Variants in PYCR3 observed in about 807,000 individuals in gnomAD.
PYCR3 encodes P5C reductase 3.
PYCR3 carries 26 observed loss-of-function variants against 23.4 expected under a neutral mutation model. The ratio of observed to expected loss-of-function variants is 1.11; its 90% CI spans 0.81 to 1.54. The LOEUF (loss-of-function observed/expected upper bound fraction) is 1.54. Among genes scored for constraint, PYCR3 ranks in the 40% most tolerant of loss-of-function variants. PYCR3 has a pLI of 0.00. For missense variants in PYCR3, 360 were observed against 376.3 expected, an observed-to-expected ratio of 0.96 and a Z score of 0.36; for synonymous variants, 194 against 162.6, an observed-to-expected ratio of 1.19 and a Z score of -1.47.
chr8:143,605,667 C>G lies in PYCR3; in HGVS notation c.*33G>C. On this transcript the variant is annotated 3_prime_UTR_variant, in exon 6 of 6. Coordinates refer to ENST00000495276, the MANE Select transcript of PYCR3 (RefSeq NM_023078.6). The stretch of plus-strand genomic sequence containing the variant: ...GAAGGGACACAGGGAGAGGCAGGGG[C>G]ACAGAGGCAGGAAAGGATGGCCAGA... 1 of 1,564,906 alleles carries G rather than the reference C, an allele frequency of 6.4e-7. No homozygotes were observed.
Position 143,606,515 on chromosome 8 carries a change from T to C in PYCR3, c.501A>G (p.Glu167=). The C allele has an allele frequency of 6.2e-7, 1 of 1,612,780 alleles. No individual in the cohort carries two copies. The highest frequency in any genetic ancestry group is 8.5e-7 in the Non-Finnish European group (1 of 1,179,938). Residue 167 remains glutamate (E), a synonymous_variant, in exon 4 of 6, where the codon GAA becomes GAG. Coordinates refer to ENST00000495276, the MANE Select transcript of PYCR3 (RefSeq NM_023078.6). ...EACGRCEEVP[E]AYVDIHTGLS... Reference sequence around the variant, plus strand: ...GGCCAGTGTGGATGTCGACGTAGGCTTCAGGCACCTCCTCACACCGCCCAC... The same window carrying C: ...GGCCAGTGTGGATGTCGACGTAGGCCTCAGGCACCTCCTCACACCGCCCAC...
chr8:143,606,364 C>G lies in PYCR3; in HGVS notation c.549+103G>C. On this transcript the variant is annotated intron_variant, in intron 4 of 5. Coordinates refer to ENST00000495276, the MANE Select transcript of PYCR3 (RefSeq NM_023078.6). ...CCAGTGGGCCTGGGGAGCAACCACG[C>G]AGGCCTCAAGGTTGGACTCTGAGGG... 4 of 1,323,676 alleles carry G rather than the reference C, an allele frequency of 3.0e-6. No individual in the cohort carries two copies. In the South Asian group the frequency reaches 5.0e-5, roughly 17 times the overall value. The allele number at this position is 1,323,676 out of a possible 1,614,324, so 82.0% of individuals were successfully genotyped here.
In PYCR3 at chr8:143,604,747, C is replaced by G. The variant is rs745695644; in HGVS notation, c.*953G>C. On this transcript the variant is annotated 3_prime_UTR_variant, in exon 6 of 6. Transcript: ENST00000495276. ...CTTCAATCCTGGGGGTTTGCTTCTC[C>G]CCTGAGTCCTGGCTTTCCTGACCTG... 23 of 395,134 alleles carry G rather than the reference C, an allele frequency of 5.8e-5. No homozygotes were observed. Among genetic ancestry groups the G allele is most frequent in the South Asian group, 2.7e-4 (15 of 56,048 alleles). The allele number at this position is 395,134 out of a possible 1,614,324, so 24.5% of individuals were successfully genotyped here.
At position 143,609,569 on chromosome 8, in the gene PYCR3, T is replaced by C. The variant is rs4559251; in HGVS notation, c.-21A>G. ...GCCATCTTGTTGCCTCGGACGCCGCTGCGCTCACCGCCCATCCACAGGCCG... is the reference window on the plus strand; with the variant it reads ...GCCATCTTGTTGCCTCGGACGCCGCCGCGCTCACCGCCCATCCACAGGCCG... On this transcript the variant is annotated 5_prime_UTR_variant, in exon 1 of 6. Transcript: ENST00000495276. 2 of 1,483,114 alleles carry C rather than the reference T, an allele frequency of 1.3e-6. No individual in the cohort carries two copies. Among genetic ancestry groups the C allele is most frequent in the Admixed American group, 4.6e-5 (2 of 43,820 alleles). The allele number at this position is 1,483,114 out of a possible 1,614,324, so 91.9% of individuals were successfully genotyped here. A position where few individuals can be genotyped will look rare whatever the true frequency, so the allele number is the denominator to read the frequency against.
rs1463829692 is a variant in PYCR3, at chr8:143,607,020, G to C, written c.269C>G (p.Pro90Arg). 1 of 1,613,348 alleles carries C rather than the reference G, an allele frequency of 6.2e-7. No homozygotes were observed. The highest frequency in any genetic ancestry group is 1.7e-5 in the Admixed American group (1 of 60,004). The change falls in exon 3 of 6, where the codon CCT (proline) becomes CGT (arginine). Residue 90 changes from proline to arginine, a missense_variant. Transcript: ENST00000495276. Reference protein sequence around the residue: ...VLPAVLAEVAPVVTTEHILVS... With the variant: ...VLPAVLAEVARVVTTEHILVS... ...CAAGATGTGTTCAGTGGTGACCACA[G>C]GAGCCACCTCTGCCAGGACAGCTGG...
In PYCR3 at chr8:143,609,513, G is replaced by T; in HGVS notation, c.36C>A (p.Gly12=). The T allele has an allele frequency of 6.6e-7, 1 of 1,516,868 alleles. No individual in the cohort carries two copies. The highest frequency in any genetic ancestry group is 2.7e-5 in the East Asian group (1 of 37,602). The allele number at this position is 1,516,868 out of a possible 1,614,324, so 94.0% of individuals were successfully genotyped here. ...AAAEPSPRRV[G]FVGAGRMAGA... ...CCGCCATGCGGCCCGCGCCCACGAA[G>T]CCCACGCGCCGCGGAGACGGCTCCG... The change falls in exon 1 of 6, where the codon GGC becomes GGA. Residue 12 remains glycine (G), a synonymous_variant. Coordinates refer to ENST00000495276, the MANE Select transcript of PYCR3 (RefSeq NM_023078.6).
At chr8:143,609,403 C>T in intron 1 of PYCR3, 55 bp downstream of exon 1, 2 of 1,424,870 alleles carry the variant, frequency 1.4e-6, no homozygotes, top group Non-Finnish European at 1.8e-6. Context: ...GGCAGGACAC[C>T]TCCCACGGGG....
Position 143,603,715 on chromosome 8 carries a change from C to A in PYCR3, c.*1985G>T, listed in dbSNP as rs1268497029. 6.6e-6 allele frequency among the ~76,000 whole-genome samples: 1 copy of A among 152,174 alleles called. No homozygotes were observed. The highest frequency in any genetic ancestry group is 1.5e-5 in the Non-Finnish European group (1 of 68,020). On this transcript the variant is annotated 3_prime_UTR_variant, in exon 6 of 6. Coordinates refer to ENST00000495276, the MANE Select transcript of PYCR3 (RefSeq NM_023078.6). Reference sequence around the variant, plus strand: ...GCCTGCCCAGGCTTGGCATACAGTCCCCTGGGGTGACAGCGTGCAGGGGAA... The same window carrying A: ...GCCTGCCCAGGCTTGGCATACAGTCACCTGGGGTGACAGCGTGCAGGGGAA...
intron 5 of PYCR3, 84 bp from the exon 6 acceptor site, chr8:143,605,966 T>G (rs1465129527): frequency 4.5e-6 from 7 of 1,563,338 alleles, no homozygotes; most frequent in Non-Finnish European, 6.1e-6. Flanking sequence ...TCCCCCAACC[T>G]TGGCCCCAGC....
Position 143,605,586 on chromosome 8 carries a change from GAGA to G in PYCR3, c.*111_*113del. On this transcript the variant is annotated 3_prime_UTR_variant, in exon 6 of 6. Transcript: ENST00000495276. ...CCCCCTGCATTTCCCTGTGCAAGGG[GAGA>G]AGGAGCAGTAGGAGACCCTCATGCA... 1.0e-6 allele frequency: 1 copy of G among 992,870 alleles called. No homozygotes were observed. The highest frequency in any genetic ancestry group is 1.5e-6 in the Non-Finnish European group (1 of 686,776). 61.5% of individuals were successfully genotyped at this position (992,870 alleles called of 1,614,324 possible). A position where few individuals can be genotyped will look rare whatever the true frequency, so the allele number is the denominator to read the frequency against.
chr8:143,607,030 C>G lies in PYCR3; in HGVS notation c.259G>C (p.Glu87Gln). ...TCAGTGGTGACCACAGGAGCCACCT[C>G]TGCCAGGACAGCTGGCAGCACATGA... ...KPHVLPAVLA[E>Q]VAPVVTTEHI... Residue 87 changes from glutamate (E) to glutamine (Q), a missense_variant, in exon 3 of 6, where the codon GAG becomes CAG. Coordinates refer to ENST00000495276, the MANE Select transcript of PYCR3 (RefSeq NM_023078.6). 2.5e-6 allele frequency: 4 copies of G among 1,613,368 alleles called. No individual in the cohort carries two copies. The highest frequency in any genetic ancestry group is 3.4e-6 in the Non-Finnish European group (4 of 1,179,896).
At chr8:143,607,942 T>G (rs948877682) in intron 2 of PYCR3, 120 bp downstream of exon 2, 6 of 746,972 alleles carry the variant, frequency 8.0e-6, no homozygotes, top group Admixed American at 2.5e-5. Flanking sequence ...GACCAGCCAG[T>G]CTGCAAACTT....
rs2131400091 is a variant in PYCR3, at chr8:143,607,110, T to C, written c.179A>G (p.His60Arg). 1 of 1,595,942 alleles carries C rather than the reference T, an allele frequency of 6.3e-7. No individual in the cohort carries two copies. The highest frequency in any genetic ancestry group is 1.1e-5 in the South Asian group (1 of 89,270). Reference protein sequence around the residue: ...HFQALGCRTTHSNQEVLQSCL... With the variant: ...HFQALGCRTTRSNQEVLQSCL... ...GCTCTGCAGCACCTCCTGGTTGGAG[T>C]GCGTGGTCCGGCAACCCAGAGCCTG... The change falls in exon 3 of 6, where the codon CAC (histidine) becomes CGC (arginine). Residue 60 changes from histidine to arginine, a missense_variant. By Grantham distance (29) the His-to-Arg change is conservative (BLOSUM62 0). Coordinates refer to ENST00000495276, the MANE Select transcript of PYCR3 (RefSeq NM_023078.6).
rs1369938126 is a variant in PYCR3 at position 143,605,382 on chromosome 8, C to T, written c.*318G>A. On this transcript the variant is annotated 3_prime_UTR_variant, in exon 6 of 6. Transcript: ENST00000495276. ...TTCATGGCCTCAACCAACTGCCCAA[C>T]CATGCGGGCAAATGACCAAGACGCC... 2.4e-6 allele frequency: 1 copy of T among 424,458 alleles called. No individual in the cohort carries two copies. The highest frequency in any genetic ancestry group is 4.3e-6 in the Non-Finnish European group (1 of 234,008). 26.3% of individuals were successfully genotyped at this position (424,458 alleles called of 1,614,324 possible). A position where few individuals can be genotyped will look rare whatever the true frequency, so the allele number is the denominator to read the frequency against.
intron 2 of PYCR3, 87 bp downstream of exon 2, chr8:143,607,975 C>T (rs746447018): frequency 1.1e-4 from 110 of 1,026,584 alleles, no homozygotes; most frequent in Non-Finnish European, 1.6e-4. Context: ...CCACCCATCC[C>T]TGGCTCTGAT....
At chr8:143,608,631 G>C (rs531739162) in intron 1 of PYCR3, 1 of 320,168 alleles carries the variant, frequency 3.1e-6, no homozygotes, top group Non-Finnish European at 6.2e-6. Flanking sequence ...GGAAAGATTG[G>C]GTTAGATTTT....
intron 1 of PYCR3, among the ~76,000 whole-genome samples, chr8:143,609,174 G>A (rs1829477911): frequency 1.3e-5 from 2 of 152,230 alleles, no homozygotes; most frequent in African/African-American, 2.4e-5. Context: ...CCCATGAGAG[G>A]GGCTGGCGCG....
chr8:143,605,645 G>T lies in PYCR3; in HGVS notation c.*55C>A. Reference sequence around the variant, plus strand: ...GAGGGAGCCGCAGTCCTCAGGGGAAGGGACACAGGGAGAGGCAGGGGCACA... The same window carrying T: ...GAGGGAGCCGCAGTCCTCAGGGGAATGGACACAGGGAGAGGCAGGGGCACA... On this transcript the variant is annotated 3_prime_UTR_variant, in exon 6 of 6. Transcript: ENST00000495276. 1.3e-6 allele frequency: 2 copies of T among 1,500,134 alleles called. No individual in the cohort carries two copies. 92.9% of individuals were successfully genotyped at this position (1,500,134 alleles called of 1,614,324 possible).
At position 143,606,363 on chromosome 8, in the gene PYCR3, G is replaced by A. The variant is rs115007997; in HGVS notation, c.549+104C>T. ...CCCAGTGGGCCTGGGGAGCAACCAC[G>A]CAGGCCTCAAGGTTGGACTCTGAGG... On this transcript the variant is annotated intron_variant, in intron 4 of 5. Transcript: ENST00000495276. 1.8e-4 allele frequency: 229 copies of A among 1,300,258 alleles called. No individual in the cohort carries two copies. In the African/African-American group the frequency reaches 2.8e-3, roughly 16 times the overall value. 80.5% of individuals were successfully genotyped at this position (1,300,258 alleles called of 1,614,324 possible).
Sources: allele counts gnomAD v4.1 joint callset (sites outside exome capture counted in the v4.1 genomes callset), GRCh38; gene constraint gnomAD v4.1.1; transcripts MANE v1.5; gene names NCBI Gene and HGNC (gene_info 2026-07-23, HGNC 2026-07-21).